The following PTPRG variants were observed in gnomAD, a reference collection of about 807,000 sequenced individuals.
PTPRG encodes the protein protein tyrosine phosphatase receptor type G.
PTPRG carries 102 observed loss-of-function variants against 165.3 expected under a neutral mutation model. The ratio of observed to expected loss-of-function variants is 0.62; its 90% CI spans 0.53 to 0.73. The LOEUF is 0.73. Ranked by LOEUF, PTPRG falls within the 30% of genes least tolerant of loss-of-function variation. The pLI is 0.00. For missense variants in PTPRG, 1,866 were observed against 1,861.4 expected, an observed-to-expected ratio of 1.00 and a Z score of -0.05; for synonymous variants, 675 against 669.5, an observed-to-expected ratio of 1.01 and a Z score of -0.13.
At chr3:61,742,354 T>G in intron 1 of PTPRG, 5 of 789,582 alleles carry the variant, frequency 6.3e-6, no homozygotes, top group Non-Finnish European at 9.7e-6. Context: ...CAGTAGTAGG[T>G]GACTCTTAGG....
intron 2 of PTPRG, among the ~76,000 whole-genome samples, chr3:61,949,874 A>C (rs1265893478): frequency 1.3e-5 from 2 of 151,996 alleles, no homozygotes; most frequent in Non-Finnish European, 2.9e-5. Context: ...CAGCCTCCTG[A>C]GTAGTTGGGA....
intron 2 of PTPRG, among the ~76,000 whole-genome samples, chr3:61,952,545 A>G (rs2039925943): frequency 6.6e-6 from 1 of 152,158 alleles, no homozygotes; most frequent in Non-Finnish European, 1.5e-5. Context: ...TCAAATTGAT[A>G]TTTCTGGCTG....
At chr3:62,290,161 A>C (rs1243744317) in intron 28 of PTPRG, among the ~76,000 whole-genome samples, 2 of 152,158 alleles carry the variant, frequency 1.3e-5, no homozygotes, top group Non-Finnish European at 2.9e-5. Flanking sequence ...CCAAAAATGG[A>C]ATTGGCAAAG....
chr3:61,809,404 C>T (rs1340825025), intron 2 of PTPRG, among the ~76,000 whole-genome samples: 1 of 151,766 alleles, frequency 6.6e-6, no homozygotes, highest in African/African-American at 2.4e-5. Flanking sequence ...TGAGCTGAGC[C>T]CAGAAGAATA....
intron 19 of PTPRG, 68 bp downstream of exon 19, chr3:62,267,887 C>A: frequency 6.5e-7 from 1 of 1,544,082 alleles, no homozygotes; most frequent in Non-Finnish European, 8.8e-7. Context: ...GGAGTACCTG[C>A]TTTAGGGTAG....
chr3:62,141,978 G>A (rs1201866629), intron 6 of PTPRG, among the ~76,000 whole-genome samples: 1 of 151,544 alleles, frequency 6.6e-6, no homozygotes, highest in East Asian at 1.9e-4. Flanking sequence ...TGCCTCAGGT[G>A]CCCATCATTA....
chr3:62,007,615 C>T (rs1022250172), intron 4 of PTPRG, among the ~76,000 whole-genome samples: 1 of 152,172 alleles, frequency 6.6e-6, no homozygotes, highest in Admixed American at 6.6e-5. Flanking sequence ...GTCAGAAAGT[C>T]ACAGTTCCTG....
chr3:61,798,186 T>C (rs2035114109), intron 2 of PTPRG, among the ~76,000 whole-genome samples: 1 of 152,204 alleles, frequency 6.6e-6, no homozygotes, highest in African/African-American at 2.4e-5. Flanking sequence ...CATGGGGAGC[T>C]TTTAAAGAGT....
At chr3:62,204,253 TAAG>T (rs983843430) in intron 12 of PTPRG, among the ~76,000 whole-genome samples, 4 of 152,202 alleles carry the variant, frequency 2.6e-5, no homozygotes, top group African/African-American at 4.8e-5. Flanking sequence ...CCATCGATCT[TAAG>T]AAGTTTATTT....
intron 2 of PTPRG, among the ~76,000 whole-genome samples, chr3:61,974,735 A>C (rs919365894): frequency 1.3e-5 from 2 of 152,184 alleles, no homozygotes; most frequent in Non-Finnish European, 2.9e-5. Flanking sequence ...TTGTTAATAC[A>C]TTTATAATGA....
intron 2 of PTPRG, among the ~76,000 whole-genome samples, chr3:61,954,827 A>G (rs577048005): frequency 1.3e-5 from 2 of 152,344 alleles, no homozygotes; most frequent in Admixed American, 1.3e-4. Context: ...TGAGATGTGG[A>G]GTTGGAGGAC....
chr3:61,626,655 CTA>C lies in PTPRG; in HGVS notation c.85+64285_85+64286del, dbSNP rs765893484. Reference sequence around the variant, plus strand: ...AGGGAAGTAAGAGTGTCGCTCTTCACTATTGCTGCACACATCCTGCTGCTGGG... The same window carrying C: ...AGGGAAGTAAGAGTGTCGCTCTTCACTTGCTGCACACATCCTGCTGCTGGG... On this transcript the variant is annotated intron_variant, in intron 1 of 29. Transcript: ENST00000474889. Among the ~76,000 whole-genome samples the C allele has an allele frequency of 5.3e-5, 8 of 152,316 alleles. No individual in the cohort carries two copies. In the East Asian group the frequency reaches 9.6e-4, roughly 18 times the overall value.
intron 2 of PTPRG, among the ~76,000 whole-genome samples, chr3:61,964,981 G>A (rs2040235340): frequency 6.6e-6 from 1 of 152,036 alleles, no homozygotes; most frequent in African/African-American, 2.4e-5. Flanking sequence ...AGTCTCTCAC[G>A]CCTGTAATTC....
chr3:61,742,370 T>TA (rs2033024615), intron 1 of PTPRG: 22 of 998,160 alleles, frequency 2.2e-5, no homozygotes, highest in Non-Finnish European at 2.9e-5. Context: ...TTAGGACATT[T>TA]TTATAGGAAG....
chr3:61,973,100 C>T (rs1164052620), intron 2 of PTPRG, among the ~76,000 whole-genome samples: 2 of 152,170 alleles, frequency 1.3e-5, no homozygotes, highest in East Asian at 3.8e-4. Flanking sequence ...AAAAGTAGTC[C>T]TGCAGTTGAG....
At chr3:62,194,165 C>T (rs1645847673) in intron 9 of PTPRG, among the ~76,000 whole-genome samples, 1 of 152,178 alleles carries the variant, frequency 6.6e-6, no homozygotes, top group African/African-American at 2.4e-5. Flanking sequence ...CATACACCTA[C>T]CTAAACAAAT....
At chr3:61,594,331 T>TA (rs1700642697) in intron 1 of PTPRG, among the ~76,000 whole-genome samples, 1 of 152,048 alleles carries the variant, frequency 6.6e-6, no homozygotes, top group Non-Finnish European at 1.5e-5. Flanking sequence ...TGTGGGCTGT[T>TA]AGTTACATGG....
At chr3:61,889,411 A>G (rs528129186) in intron 2 of PTPRG, among the ~76,000 whole-genome samples, 1 of 152,330 alleles carries the variant, frequency 6.6e-6, no homozygotes, top group African/African-American at 2.4e-5. Flanking sequence ...TGCTCTCTTC[A>G]AGCTGATCAT....
Position 62,203,358 on chromosome 3 carries a change from C to T in PTPRG, c.1563C>T (p.Phe521=), listed in dbSNP as rs1428795599. The T allele has an allele frequency of 1.7e-5, 27 of 1,613,032 alleles. No homozygotes were observed. Among genetic ancestry groups the T allele is most frequent in the East Asian group, 6.7e-5 (3 of 44,836 alleles). The part of the protein sequence containing the change: ...VTSTLLAGLG[F]GGGGISSFPS... ...GCACGCTGCTCGCCGGCCTGGGGTT[C>T]GGCGGTGGTGGCATCTCCTCTTTCC... Residue 521 remains phenylalanine, a synonymous_variant, in exon 12 of 30, where the codon TTC becomes TTT. Transcript: ENST00000474889. The surrounding 1 kb of genome is among the most constrained non-coding windows in gnomAD (Gnocchi z 6.4).
Sources: gnomAD v4.1 joint callset for allele counts (sites outside exome capture counted in the v4.1 genomes callset) on GRCh38, gnomAD v4.1.1 for gene constraint, Gnocchi (gnomAD v3.1) non-coding constraint, MANE v1.5 for transcripts, NCBI Gene and HGNC (gene_info 2026-07-23, HGNC 2026-07-21) for gene names.